The following PTPRN2 variants were observed in gnomAD, a reference collection of about 807,000 sequenced individuals.
PTPRN2 encodes the protein receptor-type tyrosine-protein phosphatase N2.
In PTPRN2, 74 loss-of-function variants were observed where a neutral mutation model predicts 118.8. That is an observed-to-expected ratio of 0.62 (90% CI 0.52 to 0.76). PTPRN2 has a LOEUF of 0.76. PTPRN2 is among the 30% of genes least tolerant of loss of function. The pLI is 0.00. For synonymous variants in PTPRN2, 641 were observed against 608.0 expected, an observed-to-expected ratio of 1.05 and a Z score of -0.80; for missense variants, 1,481 against 1,394.4, an observed-to-expected ratio of 1.06 and a Z score of -0.99.
At position 157,624,524 on chromosome 7, in the gene PTPRN2, G is replaced by A. The variant is rs139918250; in HGVS notation, c.2197-3015C>T. Among the ~76,000 whole-genome samples, 1,270 of 152,212 alleles carry A rather than the reference G, an allele frequency of 8.3e-3. 16 individuals are homozygous for A. Among genetic ancestry groups the A allele is most frequent in the African/African-American group, 0.029 (1,214 of 41,532 alleles). ...AGAATACCTACCTTCCTCTGCTGCT[G>A]GGCAAACCCATCTCACACAAAGCCT... On this transcript the variant is annotated intron_variant, in intron 14 of 22. Coordinates refer to ENST00000389418, the MANE Select transcript of PTPRN2 (RefSeq NM_002847.5).
In PTPRN2 at chr7:158,438,294, T is replaced by G. The variant is rs1586671871; in HGVS notation, c.163+51441A>C. ...TGGGAGGCTGAGGCAGGAGAATTGC[T>G]TGAACCTGGGAGGCAGAAGTTGCAG... On this transcript the variant is annotated intron_variant, in intron 2 of 22. Coordinates refer to ENST00000389418, the MANE Select transcript of PTPRN2 (RefSeq NM_002847.5). The surrounding 1 kb of genome is among the most constrained non-coding windows in gnomAD (Gnocchi z 4.7). 6.6e-6 allele frequency among the ~76,000 whole-genome samples: 1 copy of G among 152,208 alleles called. No homozygotes were observed. Among genetic ancestry groups the G allele is most frequent in the Admixed American group, 6.5e-5 (1 of 15,290 alleles).
At chr7:157,684,406 G>C (rs1258112718) in intron 12 of PTPRN2, among the ~76,000 whole-genome samples, 1 of 147,404 alleles carries the variant, frequency 6.8e-6, no homozygotes, top group South Asian at 2.2e-4. Flanking sequence ...AGGGGGGAGA[G>C]GGAGAGGAGG....
At chr7:157,542,833 G>A (rs77748302) in intron 22 of PTPRN2, among the ~76,000 whole-genome samples, 2,903 of 152,338 alleles carry the variant, frequency 0.019, 94 homozygotes, top group African/African-American at 0.065. Context: ...CCCTGTGGGC[G>A]TCGGCTGGCA....
intron 13 of PTPRN2, among the ~76,000 whole-genome samples, chr7:157,679,302 G>A (rs1379240075): frequency 6.6e-6 from 1 of 152,138 alleles, no homozygotes; most frequent in Non-Finnish European, 1.5e-5. Flanking sequence ...TTAAACAAAT[G>A]ACCTTTAAGA....
intron 17 of PTPRN2, among the ~76,000 whole-genome samples, chr7:157,592,825 A>G (rs1467453210): frequency 1.5e-3 from 181 of 116,982 alleles, no homozygotes; most frequent in Middle Eastern, 6.7e-3. Context: ...GAGCCTTCAC[A>G]CAGGACGGAG....
intron 3 of PTPRN2, among the ~76,000 whole-genome samples, chr7:158,283,210 C>G (rs1799545836): frequency 6.6e-6 from 1 of 152,228 alleles, no homozygotes; most frequent in African/African-American, 2.4e-5. Flanking sequence ...AATAAGAAAA[C>G]CAAGCAAGTA....
intron 12 of PTPRN2, among the ~76,000 whole-genome samples, chr7:157,803,156 G>C (rs770864570): frequency 8.5e-5 from 13 of 152,074 alleles, no homozygotes; most frequent in African/African-American, 3.1e-4. Context: ...GTAGAGACAG[G>C]GTTTTGCCAT....
At chr7:158,569,531 C>G (rs1827855029) in intron 1 of PTPRN2, among the ~76,000 whole-genome samples, 1 of 152,242 alleles carries the variant, frequency 6.6e-6, no homozygotes, top group South Asian at 2.1e-4. Flanking sequence ...CAGGGTCCTG[C>G]TCTCAGGGTC....
At chr7:157,870,700 C>T (rs1169868345) in intron 12 of PTPRN2, among the ~76,000 whole-genome samples, 2 of 152,204 alleles carry the variant, frequency 1.3e-5, no homozygotes, top group Non-Finnish European at 2.9e-5. Flanking sequence ...TCTTCCATAA[C>T]AAGCCTGATG....
chr7:157,768,451 C>T (rs796546963), intron 12 of PTPRN2, among the ~76,000 whole-genome samples: 41 of 152,288 alleles, frequency 2.7e-4, no homozygotes, highest in African/African-American at 9.1e-4. Flanking sequence ...CCGGGCCGGA[C>T]GCCCCACGCT....
chr7:158,466,314 C>T (rs557267927), intron 2 of PTPRN2, among the ~76,000 whole-genome samples: 1 of 152,136 alleles, frequency 6.6e-6, no homozygotes, highest in Admixed American at 6.5e-5. Flanking sequence ...TCTCATTCCT[C>T]GCCACTCCCA....
intron 12 of PTPRN2, among the ~76,000 whole-genome samples, chr7:157,789,652 GAT>G (rs1491357420): frequency 6.8e-6 from 1 of 147,852 alleles, no homozygotes; most frequent in Non-Finnish European, 1.5e-5. Flanking sequence ...ATGTGGGTGT[GAT>G]ATGTGTGTGT....
intron 1 of PTPRN2, chr7:158,532,940 A>C: frequency 2.6e-6 from 1 of 391,694 alleles, no homozygotes; most frequent in South Asian, 2.0e-5. Flanking sequence ...GCCTCTCTCT[A>C]CCAAGCCAGG....
chr7:158,138,971 C>T (rs564549261), intron 6 of PTPRN2, among the ~76,000 whole-genome samples: 1 of 149,232 alleles, frequency 6.7e-6, no homozygotes, highest in East Asian at 1.9e-4. Context: ...CACACCCTGC[C>T]CAGCACACCC....
At chr7:158,257,245 C>T (rs930105303) in intron 3 of PTPRN2, among the ~76,000 whole-genome samples, 3 of 152,174 alleles carry the variant, frequency 2.0e-5, no homozygotes, top group Admixed American at 6.5e-5. Flanking sequence ...CGCAGTCAGA[C>T]GCGGAACCCG....
At chr7:157,916,032 C>G (rs925506867) in intron 11 of PTPRN2, among the ~76,000 whole-genome samples, 1 of 152,138 alleles carries the variant, frequency 6.6e-6, no homozygotes, top group Non-Finnish European at 1.5e-5. Flanking sequence ...ATGAAATAAT[C>G]TAATGATTTT....
chr7:157,857,186 A>C, intron 12 of PTPRN2: 1 of 51,932 alleles, frequency 1.9e-5, no homozygotes, highest in Non-Finnish European at 3.9e-5. Flanking sequence ...AAGGGGAGGG[A>C]GGGGGATGCT....
intron 1 of PTPRN2, among the ~76,000 whole-genome samples, chr7:158,524,057 A>T (rs1563394083): frequency 1.1e-5 from 1 of 91,110 alleles, no homozygotes; most frequent in Non-Finnish European, 2.0e-5. Flanking sequence ...CCTGGAGTGG[A>T]GTCGTCTGCC....
intron 2 of PTPRN2, among the ~76,000 whole-genome samples, chr7:158,386,495 C>A (rs571800164): frequency 6.6e-6 from 1 of 152,044 alleles, no homozygotes. Flanking sequence ...CAATTCCCCT[C>A]GGGACCAGGG....
Sources: allele counts gnomAD v4.1 joint callset (sites outside exome capture counted in the v4.1 genomes callset), GRCh38; gene constraint gnomAD v4.1.1; non-coding constraint Gnocchi (gnomAD v3.1); transcripts MANE v1.5; gene names NCBI Gene and HGNC (gene_info 2026-07-23, HGNC 2026-07-21).